ZNF229: variants seen among roughly 807,000 people sequenced by gnomAD.
ZNF229 encodes zinc finger protein 229.
Under a neutral mutation model 11.8 loss-of-function variants are expected in ZNF229, and 10 were observed. The ratio of observed to expected loss-of-function variants is 0.85; its 90% CI spans 0.52 to 1.44. The LOEUF (loss-of-function observed/expected upper bound fraction) is 1.44. ZNF229 is among the 40% of genes most tolerant of loss of function. ZNF229 has a pLI of 0.00. For synonymous variants in ZNF229, 368 were observed against 374.8 expected, an observed-to-expected ratio of 0.98 and a Z score of 0.21; for missense variants, 1,045 against 1,015.1, an observed-to-expected ratio of 1.03 and a Z score of -0.40.
rs763529282 is a variant in ZNF229, at chr19:44,429,002, G to A, written c.1779C>T (p.Val593=). ...ACACGTAGGGCCTCTCTCCCGTGTGGACCCTCTGGTGGCTGTGAAGGTCTG... is the reference window on the plus strand; with the variant it reads ...ACACGTAGGGCCTCTCTCCCGTGTGAACCCTCTGGTGGCTGTGAAGGTCTG... ...RNSDLHSHQR[V]HTGERPYVCD... Residue 593 remains valine, a synonymous_variant, in exon 6 of 6, where the codon GTC becomes GTT. Coordinates refer to ENST00000614049, the MANE Select transcript of ZNF229 (RefSeq NM_014518.4). The A allele has an allele frequency of 1.5e-5, 24 of 1,611,522 alleles. No individual in the cohort carries two copies. The highest frequency in any genetic ancestry group is 1.7e-5 in the Non-Finnish European group (20 of 1,179,290).
intron 4 of ZNF229, among the ~76,000 whole-genome samples, chr19:44,435,256 T>G (rs907913811): frequency 3.3e-5 from 5 of 152,328 alleles, no homozygotes; most frequent in South Asian, 4.1e-4. Flanking sequence ...AGCTAGAGTT[T>G]CATGGAGCTA....
chr19:44,431,729 C>T lies in ZNF229; in HGVS notation c.238+493G>A, dbSNP rs964348276. ...GCTCACTTCTCACTGCCCAGCAAGG[C>T]TCTTGTCTCCAAGACCTCTAGGCCT... On this transcript the variant is annotated intron_variant, in intron 5 of 5. Transcript: ENST00000614049. 30 of 985,416 alleles carry T rather than the reference C, an allele frequency of 3.0e-5. No homozygotes were observed. In the African/African-American group the frequency reaches 5.3e-4, roughly 17 times the overall value. 61.0% of individuals were successfully genotyped at this position (985,416 alleles called of 1,614,324 possible).
At chr19:44,443,746 T>G (rs183127585) in intron 2 of ZNF229, among the ~76,000 whole-genome samples, 1 of 152,310 alleles carries the variant, frequency 6.6e-6, no homozygotes, top group African/African-American at 2.4e-5. Flanking sequence ...CTATGATGTA[T>G]ATGGATGACA....
At position 44,428,734 on chromosome 19, in the gene ZNF229, G is replaced by T; in HGVS notation, c.2047C>A (p.Pro683Thr). The change falls in exon 6 of 6, where the codon CCC becomes ACC. Residue 683 changes from proline (P) to threonine (T), a missense_variant. By Grantham distance (38) the Pro-to-Thr change is conservative. Coordinates refer to ENST00000614049, the MANE Select transcript of ZNF229 (RefSeq NM_014518.4). ...TTGCCACACTGATCACACGTATAGG[G>T]CTTTTTTCCCGTGTGGACTCGCTGA... ...KHQRVHTGKK[P>T]YTCDQCGKGF... 1.2e-6 allele frequency: 2 copies of T among 1,613,904 alleles called. No homozygotes were observed. Among genetic ancestry groups the T allele is most frequent in the Non-Finnish European group, 1.7e-6 (2 of 1,179,990 alleles).
At chr19:44,439,056 A>G (rs12983645) in intron 4 of ZNF229, among the ~76,000 whole-genome samples, 42,579 of 152,036 alleles carry the variant, frequency 0.28, 7,304 homozygotes, top group South Asian at 0.48. Flanking sequence ...CTTGTGGGAC[A>G]GAACCCTCAA....
chr19:44,430,231 TGG>T lies in ZNF229; in HGVS notation c.548_549del (p.Pro183HisfsTer21). On this transcript the variant is annotated frameshift_variant, in exon 6 of 6. Transcript: ENST00000614049. LOFTEE classifies it low-confidence loss of function (END_TRUNC). ...FPAWRAIRPI[P>X]IQGSWAKAFV... ...AACGCTTTTGCCCAAGATCCTTGAA[TGG>T]GGATTGGTCTTATAGCTCTCCAGGC... The T allele has an allele frequency of 6.2e-7, 1 of 1,614,164 alleles. No individual in the cohort carries two copies. The highest frequency in any genetic ancestry group is 8.5e-7 in the Non-Finnish European group (1 of 1,180,038).
intron 4 of ZNF229, among the ~76,000 whole-genome samples, chr19:44,440,506 G>A (rs1220072178): frequency 1.3e-5 from 2 of 152,042 alleles, no homozygotes; most frequent in East Asian, 3.9e-4. Flanking sequence ...TGTGATCCAT[G>A]AAAATGCCAC....
chr19:44,442,872 G>A lies in ZNF229; in HGVS notation c.-25C>T, dbSNP rs370679432. 36 of 1,609,916 alleles carry A rather than the reference G, an allele frequency of 2.2e-5. No homozygotes were observed. Among genetic ancestry groups the A allele is most frequent in the Non-Finnish European group, 2.9e-5 (34 of 1,179,184 alleles). ...TGGTCTCTTCTGCTAGGTTCTCTGC[G>A]AGCAGCAGCAACTGTATTTATTCTC... On this transcript the variant is annotated 5_prime_UTR_variant, in exon 3 of 6. Transcript: ENST00000614049.
At chr19:44,440,491 T>TA (rs1469226227) in intron 4 of ZNF229, among the ~76,000 whole-genome samples, 2 of 151,502 alleles carry the variant, frequency 1.3e-5, no homozygotes, top group Non-Finnish European at 2.9e-5. Flanking sequence ...GCAAGGAAAA[T>TA]AAAGTGTGAT....
chr19:44,429,953 G>T lies in ZNF229; in HGVS notation c.828C>A (p.Asp276Glu). 1 of 1,613,790 alleles carries T rather than the reference G, an allele frequency of 6.2e-7. No individual in the cohort carries two copies. Among genetic ancestry groups the T allele is most frequent in the Admixed American group, 1.7e-5 (1 of 60,014 alleles). Reference sequence around the variant, plus strand: ...TTGGATGCGGGGGAAGGTCTGCATCGTCCCTGAAGCCATTTCTGTATTCGT... The same window carrying T: ...TTGGATGCGGGGGAAGGTCTGCATCTTCCCTGAAGCCATTTCTGTATTCGT... ...KSNEYRNGFR[D>E]DADLPPHPRV... The change falls in exon 6 of 6, where the codon GAC becomes GAA. Residue 276 changes from aspartate to glutamate, a missense_variant. Coordinates refer to ENST00000614049, the MANE Select transcript of ZNF229 (RefSeq NM_014518.4).
chr19:44,440,713 A>ATG (rs1279335018), intron 4 of ZNF229, among the ~76,000 whole-genome samples: 1 of 149,204 alleles, frequency 6.7e-6, no homozygotes, highest in Non-Finnish European at 1.5e-5. Flanking sequence ...CAATTTGAAC[A>ATG]TAAAACCAAC....
rs780940256 is a variant in ZNF229, at chr19:44,428,752, C to G, written c.2029G>C (p.Val677Leu). The G allele has an allele frequency of 6.2e-7, 1 of 1,613,984 alleles. No individual in the cohort carries two copies. Among genetic ancestry groups the G allele is most frequent in the South Asian group, 1.1e-5 (1 of 91,072 alleles). ...CTSSLHKHQR[V>L]HTGKKPYTCD... ...GTATAGGGCTTTTTTCCCGTGTGGA[C>G]TCGCTGATGTTTGTGAAGGCTTGAT... Residue 677 changes from valine (V) to leucine (L), a missense_variant, in exon 6 of 6, where the codon GTC becomes CTC. Physicochemically the swap from Val to Leu is conservative, Grantham distance 32. Transcript: ENST00000614049.
Position 44,438,475 on chromosome 19 carries a change from C to T in ZNF229, c.93+4088G>A, listed in dbSNP as rs562539826. Among the ~76,000 whole-genome samples, 9 of 152,210 alleles carry T rather than the reference C, an allele frequency of 5.9e-5. No homozygotes were observed. The South Asian group carries it at 1.2e-3, about 21-fold the overall frequency. ...GCAATAATATATTAACAGTTTACAA[C>T]GAAGTGTGTGACGCTGTGAAATAGA... On this transcript the variant is annotated intron_variant, in intron 4 of 5. Coordinates refer to ENST00000614049, the MANE Select transcript of ZNF229 (RefSeq NM_014518.4).
At position 44,428,834 on chromosome 19, in the gene ZNF229, G is replaced by T. The variant is rs149761804; in HGVS notation, c.1947C>A (p.Val649=). ...ATCTGTAAGGTTTCTCGCCTGTGTG[G>T]ACTCTCTGGTGAATGAGAAGCCCTG... ...YSSGLLIHQR[V]HTGEKPYRCQ... is the part of the protein sequence containing the mutation. The change falls in exon 6 of 6, where the codon GTC becomes GTA. Residue 649 remains valine, a synonymous_variant. Transcript: ENST00000614049. 2.9e-5 allele frequency: 46 copies of T among 1,613,308 alleles called. No individual in the cohort carries two copies. The South Asian group carries it at 4.7e-4, about 17-fold the overall frequency.
chr19:44,439,246 T>A (rs1002136396), intron 4 of ZNF229, among the ~76,000 whole-genome samples: 2 of 152,084 alleles, frequency 1.3e-5, no homozygotes, highest in African/African-American at 4.8e-5. Context: ...GCACTTAGAG[T>A]TTCAGTAGCT....
chr19:44,447,450 G>C (rs1972021582), intron 2 of ZNF229, 63 bp downstream of exon 2: 1 of 152,156 alleles, frequency 6.6e-6, no homozygotes, highest in Non-Finnish European at 1.5e-5. Context: ...ATATCAATGG[G>C]ATGAAGAATG....
Position 44,432,300 on chromosome 19 carries a change from T to TAG in ZNF229, c.158_159dup (p.Thr54LeufsTer10). The TAG allele has an allele frequency of 6.2e-7, 1 of 1,613,916 alleles. No homozygotes were observed. Among genetic ancestry groups the TAG allele is most frequent in the Non-Finnish European group, 8.5e-7 (1 of 1,179,968 alleles). Reference sequence around the variant, plus strand: ...ACATCTTGGTACAGCTGCCTCTGGGTAGAGTCCAGCAGCTCTAGCTCCTCC... The same window carrying TAG: ...ACATCTTGGTACAGCTGCCTCTGGGTAGAGAGTCCAGCAGCTCTAGCTCCTCC... On this transcript the variant is annotated frameshift_variant, in exon 5 of 6. Coordinates refer to ENST00000614049, the MANE Select transcript of ZNF229 (RefSeq NM_014518.4). LOFTEE classifies it high-confidence loss of function.
intron 2 of ZNF229, 93 bp downstream of exon 2, chr19:44,447,420 G>T (rs1437877213): frequency 6.6e-6 from 1 of 152,048 alleles, no homozygotes. Flanking sequence ...GTGGCTAAGG[G>T]GTCTGAATGA....
At chr19:44,431,753 C>T (rs2123348067) in intron 5 of ZNF229, 2 of 987,134 alleles carry the variant, frequency 2.0e-6, no homozygotes, top group African/African-American at 1.7e-5. Flanking sequence ...ACCTCTAGGC[C>T]TCATGGTTCT....
Sources: gnomAD v4.1 joint callset for allele counts (sites outside exome capture counted in the v4.1 genomes callset) on GRCh38, gnomAD v4.1.1 for gene constraint, MANE v1.5 for transcripts, NCBI Gene and HGNC (gene_info 2026-07-23, HGNC 2026-07-21) for gene names.